KCNQ3: variants seen among roughly 807,000 people sequenced by gnomAD.
KCNQ3 encodes potassium voltage-gated channel subfamily Q member 3.
Under a neutral mutation model 92.5 loss-of-function variants are expected in KCNQ3, and 30 were observed. That is an observed-to-expected ratio of 0.32 (90% CI 0.24 to 0.44). KCNQ3 has a LOEUF of 0.44. Among genes scored for constraint, KCNQ3 ranks in the 20% least tolerant of loss-of-function variants. The pLI is 1.00. For synonymous variants in KCNQ3, 450 were observed against 468.8 expected (o/e 0.96, Z 0.52); for missense variants, 913 against 1,140.3 (o/e 0.80, Z 2.87).
At position 132,132,254 on chromosome 8, in the gene KCNQ3, A is replaced by T. The variant is rs1060500606; in HGVS notation, c.1810T>A (p.Tyr604Asn). Reference protein sequence around the residue: ...PSQQSPRNEPYVARPSTSEIE... With the variant: ...PSQQSPRNEPNVARPSTSEIE... ...TCTGATGTGGATGGTCTGGCTACAT[A>T]TGGTTCATTCCTAAGAAGAAGCGAA... The change falls in exon 14 of 15, where the codon TAT becomes AAT. Residue 604 changes from tyrosine to asparagine, a missense_variant. Tyr to Asn is a moderately radical substitution (Grantham distance 143, BLOSUM62 -2). Coordinates refer to ENST00000388996, the MANE Select transcript of KCNQ3 (RefSeq NM_004519.4). 6.2e-7 allele frequency: 1 copy of T among 1,612,252 alleles called. No individual in the cohort carries two copies. The highest frequency in any genetic ancestry group is 2.2e-5 in the East Asian group (1 of 44,854).
chr8:132,122,260 A>G lies in KCNQ3; in HGVS notation c.*7002T>C, dbSNP rs1184090310. 6.6e-6 allele frequency: 1 copy of G among 152,254 alleles called. No homozygotes were observed. The highest frequency in any genetic ancestry group is 6.5e-5 in the Admixed American group (1 of 15,292). The allele number at this position is 152,254 out of a possible 1,614,324, so 9.4% of individuals were successfully genotyped here. On this transcript the variant is annotated 3_prime_UTR_variant, in exon 15 of 15. Transcript: ENST00000388996. ...CTCATGGGGTTGCGATGAGGATTGC[A>G]TGAACTTTAGAGAGAGCTATCATGT...
intron 1 of KCNQ3, among the ~76,000 whole-genome samples, chr8:132,409,253 T>G (rs563425172): frequency 4.6e-5 from 7 of 152,174 alleles, no homozygotes; most frequent in African/African-American, 1.7e-4. Flanking sequence ...AATCCATCTA[T>G]GCATTCACTT....
chr8:132,212,715 C>T (rs1813898359), intron 1 of KCNQ3, among the ~76,000 whole-genome samples: 1 of 152,176 alleles, frequency 6.6e-6, no homozygotes. Flanking sequence ...ATTCAGCTGC[C>T]GACTATGTGC....
intron 1 of KCNQ3, among the ~76,000 whole-genome samples, chr8:132,404,548 C>T (rs1820429592): frequency 6.6e-6 from 1 of 152,230 alleles, no homozygotes; most frequent in Non-Finnish European, 1.5e-5. Flanking sequence ...TGGGCAGTGG[C>T]TTCAGTCCAT....
intron 1 of KCNQ3, among the ~76,000 whole-genome samples, chr8:132,290,470 G>A (rs578055835): frequency 6.6e-6 from 1 of 152,260 alleles, no homozygotes; most frequent in African/African-American, 2.4e-5. Flanking sequence ...TTTTCACATG[G>A]ATTACTTTGG....
rs1301411734 is a variant in KCNQ3 at position 132,209,538 on chromosome 8, CACACAA to C, written c.387-23363_387-23358del. Among the ~76,000 whole-genome samples the C allele has an allele frequency of 1.5e-3, 221 of 145,026 alleles. 2 individuals are homozygous for C. The highest frequency in any genetic ancestry group is 0.01 in the Middle Eastern group (3 of 288). ...ATGTACGTAATTCACACCACACACA[CACACAA>C]ACACACACACACACACACACACGTA... On this transcript the variant is annotated intron_variant, in intron 1 of 14. Coordinates refer to ENST00000388996, the MANE Select transcript of KCNQ3 (RefSeq NM_004519.4).
At chr8:132,370,440 C>T (rs1375761370) in intron 1 of KCNQ3, among the ~76,000 whole-genome samples, 1 of 152,144 alleles carries the variant, frequency 6.6e-6, no homozygotes, top group African/African-American at 2.4e-5. Flanking sequence ...GGGGGTGAGT[C>T]CTCAGCACCA....
chr8:132,446,293 T>C (rs769528448), intron 1 of KCNQ3, among the ~76,000 whole-genome samples: 2 of 152,170 alleles, frequency 1.3e-5, no homozygotes, highest in Admixed American at 6.5e-5. Context: ...TAATAACTAA[T>C]TTTGGAAAGA....
chr8:132,308,665 G>A (rs920934662), intron 1 of KCNQ3, among the ~76,000 whole-genome samples: 2 of 152,182 alleles, frequency 1.3e-5, no homozygotes, highest in African/African-American at 2.4e-5. Context: ...ACCACAAAGG[G>A]TAAGACTTGT....
Position 132,157,461 on chromosome 8 carries a change from T to C in KCNQ3, c.1262+6007A>G, listed in dbSNP as rs1444743366. 2.6e-5 allele frequency among the ~76,000 whole-genome samples: 4 copies of C among 152,096 alleles called. No homozygotes were observed. The South Asian group carries it at 6.2e-4, about 24-fold the overall frequency. On this transcript the variant is annotated intron_variant, in intron 9 of 14. Transcript: ENST00000388996. ...ATAGCCATTCACCCATGTTCTTTGA[T>C]TGGGAGAGTTCTGTATTAAATGTCA...
chr8:132,148,830 C>A (rs1030164892), intron 9 of KCNQ3, among the ~76,000 whole-genome samples: 1 of 152,178 alleles, frequency 6.6e-6, no homozygotes, highest in Non-Finnish European at 1.5e-5. Flanking sequence ...ACCATTTGGG[C>A]TCATGGTTCT....
rs115770135 is a variant in KCNQ3 at position 132,372,435 on chromosome 8, C to T, written c.386+107712G>A. On this transcript the variant is annotated intron_variant, in intron 1 of 14. Coordinates refer to ENST00000388996, the MANE Select transcript of KCNQ3 (RefSeq NM_004519.4). ...CCTTATTAATACTACTCCCCCAGGGCTGTTCTGAGATGGGAGTGAAGACAG... is the reference window on the plus strand; with the variant it reads ...CCTTATTAATACTACTCCCCCAGGGTTGTTCTGAGATGGGAGTGAAGACAG... 2.4e-3 allele frequency among the ~76,000 whole-genome samples: 365 copies of T among 152,216 alleles called. 1 individual carries two copies. Among genetic ancestry groups the T allele is most frequent in the African/African-American group, 8.4e-3 (350 of 41,510 alleles).
chr8:132,473,492 T>C (rs1822337986), intron 1 of KCNQ3, among the ~76,000 whole-genome samples: 1 of 152,190 alleles, frequency 6.6e-6, no homozygotes, highest in South Asian at 2.1e-4. Flanking sequence ...TTGTTTTGTT[T>C]CCTTTTGTTT....
rs529150140 is a variant in KCNQ3, at chr8:132,268,977, T to G, written c.387-82796A>C. Among the ~76,000 whole-genome samples the G allele has an allele frequency of 2.6e-5, 4 of 152,370 alleles. No homozygotes were observed. In the South Asian group the frequency reaches 8.3e-4, roughly 32 times the overall value. ...TTTTATTTGGATTTCCCTGATGCAATGTATGCATATATTATCATGTGGAAC... is the reference window on the plus strand; with the variant it reads ...TTTTATTTGGATTTCCCTGATGCAAGGTATGCATATATTATCATGTGGAAC... On this transcript the variant is annotated intron_variant, in intron 1 of 14. Coordinates refer to ENST00000388996, the MANE Select transcript of KCNQ3 (RefSeq NM_004519.4).
At chr8:132,333,550 C>T (rs1386441195) in intron 1 of KCNQ3, among the ~76,000 whole-genome samples, 1 of 152,054 alleles carries the variant, frequency 6.6e-6, no homozygotes, top group Non-Finnish European at 1.5e-5. Flanking sequence ...TGATGTATTA[C>T]TTAAAGTCCC....
intron 1 of KCNQ3, among the ~76,000 whole-genome samples, chr8:132,451,874 G>A (rs993199018): frequency 3.3e-5 from 5 of 152,146 alleles, no homozygotes; most frequent in East Asian, 1.9e-4. Context: ...TTGGATGTTC[G>A]GTCAGCCTGT....
intron 1 of KCNQ3, among the ~76,000 whole-genome samples, chr8:132,260,788 T>C (rs1815759839): frequency 6.6e-6 from 1 of 151,944 alleles, no homozygotes; most frequent in Non-Finnish European, 1.5e-5. Flanking sequence ...TATCCATCCA[T>C]TTAATTATTA....
At chr8:132,321,929 C>G (rs146422025) in intron 1 of KCNQ3, among the ~76,000 whole-genome samples, 7 of 152,204 alleles carry the variant, frequency 4.6e-5, no homozygotes, top group African/African-American at 1.4e-4. Flanking sequence ...CACAGTCCCC[C>G]CTACTGCCCA....
chr8:132,293,999 GGT>G lies in KCNQ3; in HGVS notation c.387-107820_387-107819del, dbSNP rs1491419222. Among the ~76,000 whole-genome samples the G allele has an allele frequency of 1.4e-3, 127 of 87,822 alleles. 1 individual carries two copies. The highest frequency in any genetic ancestry group is 0.015 in the Middle Eastern group (2 of 136). 57.6% of individuals were successfully genotyped at this position (87,822 alleles called of 152,430 possible). On this transcript the variant is annotated intron_variant, in intron 1 of 14. Coordinates refer to ENST00000388996, the MANE Select transcript of KCNQ3 (RefSeq NM_004519.4). ...CACTAAGGGTTTTTTGTGTGTGTGT[GGT>G]TTTTTTTTTTTTTTTTTGAGACGGA...
Sources: allele counts gnomAD v4.1 joint callset (sites outside exome capture counted in the v4.1 genomes callset), GRCh38; gene constraint gnomAD v4.1.1; transcripts MANE v1.5; gene names NCBI Gene and HGNC (gene_info 2026-07-23, HGNC 2026-07-21).